Variants in PRDM16 observed in about 807,000 individuals in gnomAD.
The protein encoded by PRDM16 is PR/SET domain 16.
In PRDM16, 23 loss-of-function variants were observed where a neutral mutation model predicts 110.6. That is an observed-to-expected ratio of 0.21 (90% CI 0.15 to 0.29). The LOEUF (loss-of-function observed/expected upper bound fraction) is 0.29. Ranked by LOEUF, PRDM16 falls within the 10% of genes least tolerant of loss-of-function variation. The probability of loss-of-function intolerance (pLI) is 1.00; values close to 1 mark genes in which losing one functional copy is unlikely to be tolerated. For synonymous variants in PRDM16, 799 were observed against 781.8 expected (o/e 1.02, Z -0.37); for missense variants, 1,615 against 1,794.3 (o/e 0.90, Z 1.81).
At position 3,114,552 on chromosome 1, in the gene PRDM16, A is replaced by G. The variant is rs1045317403; in HGVS notation, c.37+45256A>G. On this transcript the variant is annotated intron_variant, in intron 1 of 16. Transcript: ENST00000270722. Reference sequence around the variant, plus strand: ...CACACATGCACACATGAACACACACACGTGCACAAACAAGCACACACTTGC... The same window carrying G: ...CACACATGCACACATGAACACACACGCGTGCACAAACAAGCACACACTTGC... 3.3e-5 allele frequency among the ~76,000 whole-genome samples: 5 copies of G among 151,624 alleles called. No individual in the cohort carries two copies. In the East Asian group the frequency reaches 5.8e-4, roughly 18 times the overall value.
At chr1:3,129,303 T>C (rs1643283048) in intron 1 of PRDM16, among the ~76,000 whole-genome samples, 1 of 65,936 alleles carries the variant, frequency 1.5e-5, no homozygotes, top group Non-Finnish European at 3.0e-5. Context: ...TGCGTGTCAG[T>C]GTCCTGCCTG....
chr1:3,077,945 G>A, intron 1 of PRDM16, among the ~76,000 whole-genome samples: 1 of 152,206 alleles, frequency 6.6e-6, no homozygotes, highest in East Asian at 1.9e-4. Flanking sequence ...AAACTAGGAG[G>A]CACAGGTGCC....
intron 3 of PRDM16, chr1:3,309,790 A>C (rs1379670644): frequency 2.0e-5 from 3 of 152,330 alleles, no homozygotes; most frequent in Non-Finnish European, 4.4e-5. Flanking sequence ...GGCTACAGCC[A>C]CTGTCAGAGG....
intron 8 of PRDM16, among the ~76,000 whole-genome samples, chr1:3,407,551 G>A (rs1643583122): frequency 6.6e-6 from 1 of 152,202 alleles, no homozygotes; most frequent in African/African-American, 2.4e-5. Flanking sequence ...CCCAGCTGCA[G>A]GTCAAGTGAC....
rs578171982 is a variant in PRDM16 at position 3,272,791 on chromosome 1, C to T, written c.438+28654C>T. Among the ~76,000 whole-genome samples, 13 of 152,330 alleles carry T rather than the reference C, an allele frequency of 8.5e-5. No individual in the cohort carries two copies. The South Asian group carries it at 2.7e-3, about 32-fold the overall frequency. On this transcript the variant is annotated intron_variant, in intron 3 of 16. Coordinates refer to ENST00000270722, the MANE Select transcript of PRDM16 (RefSeq NM_022114.4). ...CTGGAACAAGGTGGGCGAGGCCGAGCCCATCTCTGGAGCTGCCCTGTGCCC... is the reference window on the plus strand; with the variant it reads ...CTGGAACAAGGTGGGCGAGGCCGAGTCCATCTCTGGAGCTGCCCTGTGCCC...
rs1227767636 is a variant in PRDM16 at position 3,353,096 on chromosome 1, A to G, written c.439-32056A>G. 1.3e-5 allele frequency among the ~76,000 whole-genome samples: 2 copies of G among 152,160 alleles called. No homozygotes were observed. The highest frequency in any genetic ancestry group is 4.8e-5 in the African/African-American group (2 of 41,448). ...GTCAGGAAAGGGAGGCTGCAGCCGC[A>G]CACCCGAAGAGCTCGAAAGCTGGCC... On this transcript the variant is annotated intron_variant, in intron 3 of 16. Coordinates refer to ENST00000270722, the MANE Select transcript of PRDM16 (RefSeq NM_022114.4). The surrounding 1 kb of genome is among the most constrained non-coding windows in gnomAD (Gnocchi z 5.4).
chr1:3,162,358 C>A (rs553423997), intron 1 of PRDM16, among the ~76,000 whole-genome samples: 2 of 152,302 alleles, frequency 1.3e-5, no homozygotes, highest in African/African-American at 4.8e-5. Context: ...CCCGCAGCCG[C>A]GAAGCCTCGG....
intron 3 of PRDM16, among the ~76,000 whole-genome samples, chr1:3,288,800 C>G (rs1461634829): frequency 6.6e-6 from 1 of 152,172 alleles, no homozygotes; most frequent in Non-Finnish European, 1.5e-5. Context: ...GAGCAGACAT[C>G]CCTGGAAGGG....
At chr1:3,112,547 C>G (rs1553126897) in intron 1 of PRDM16, among the ~76,000 whole-genome samples, 1 of 152,222 alleles carries the variant, frequency 6.6e-6, no homozygotes, top group Non-Finnish European at 1.5e-5. Flanking sequence ...TGGCCTTCGC[C>G]TGGGGATTGA....
chr1:3,175,054 C>T lies in PRDM16; in HGVS notation c.38-11071C>T, dbSNP rs901427914. Among the ~76,000 whole-genome samples the T allele has an allele frequency of 2.6e-5, 4 of 152,164 alleles. No homozygotes were observed. Among genetic ancestry groups the T allele is most frequent in the Admixed American group, 6.5e-5 (1 of 15,276 alleles). ...CGGGCTGGTCAGAAGGTGGGACCAG[C>T]GGCCAAGGCTCCTCCTAGCACCATT... On this transcript the variant is annotated intron_variant, in intron 1 of 16. Transcript: ENST00000270722. This position sits in a 1 kb window ranked among gnomAD's most constrained non-coding sequence, Gnocchi z 4.8.
rs1643948865 is a variant in PRDM16 at position 3,165,826 on chromosome 1, T to TCAGGGACAGGGACTCACCA, written c.38-20299_38-20298insCAGGGACAGGGACTCACCA. ...CAGGGCTCAGGCACAGGGACTCACC[T>TCAGGGACAGGGACTCACCA]GGGCTCAGGGACAGGGACTCACCAG... On this transcript the variant is annotated intron_variant, in intron 1 of 16. Coordinates refer to ENST00000270722, the MANE Select transcript of PRDM16 (RefSeq NM_022114.4). Among the ~76,000 whole-genome samples the TCAGGGACAGGGACTCACCA allele has an allele frequency of 2.8e-5, 2 of 70,532 alleles. 1 individual carries two copies. The highest frequency in any genetic ancestry group is 1.9e-4 in the African/African-American group (2 of 10,286). The allele number at this position is 70,532 out of a possible 152,430, so 46.3% of individuals were successfully genotyped here.
intron 3 of PRDM16, among the ~76,000 whole-genome samples, chr1:3,326,567 A>T (rs993458641): frequency 6.6e-6 from 1 of 152,006 alleles, no homozygotes; most frequent in African/African-American, 2.4e-5. Context: ...GAGGTGACCC[A>T]TCCCCTCCCC....
At chr1:3,263,700 G>A (rs1640221765) in intron 3 of PRDM16, among the ~76,000 whole-genome samples, 2 of 152,232 alleles carry the variant, frequency 1.3e-5, no homozygotes, top group Non-Finnish European at 2.9e-5. Flanking sequence ...GGCCCTCACA[G>A]CCCTGACCAC....
intron 1 of PRDM16, among the ~76,000 whole-genome samples, chr1:3,136,701 C>T (rs574301669): frequency 5.9e-5 from 9 of 152,234 alleles, no homozygotes; most frequent in African/African-American, 1.7e-4. Flanking sequence ...CTGGCCCCAC[C>T]GCCCCCTGCT....
At chr1:3,336,437 C>A (rs894201423) in intron 3 of PRDM16, among the ~76,000 whole-genome samples, 4 of 151,492 alleles carry the variant, frequency 2.6e-5, no homozygotes. Context: ...TGTTTGCATG[C>A]ACATGTGTGT....
intron 3 of PRDM16, among the ~76,000 whole-genome samples, chr1:3,269,790 C>CCCGGAGGAGGACAGTTGGGGGGGCAG (rs1282869851): frequency 6.9e-6 from 1 of 145,292 alleles, no homozygotes; most frequent in African/African-American, 2.6e-5. Context: ...GGAGGAAAGT[C>CCCGGAGGAGGACAGTTGGGGGGGCAG]TCAGAGGAGG....
At chr1:3,322,746 T>C (rs1250457006) in intron 3 of PRDM16, among the ~76,000 whole-genome samples, 13 of 152,154 alleles carry the variant, frequency 8.5e-5, no homozygotes. Context: ...TCCACATCCT[T>C]TGCTCCCTGC....
At position 3,165,002 on chromosome 1, in the gene PRDM16, T is replaced by C. The variant is rs371367834; in HGVS notation, c.38-21123T>C. Among the ~76,000 whole-genome samples, 7 of 152,354 alleles carry C rather than the reference T, an allele frequency of 4.6e-5. No homozygotes were observed. In the East Asian group the frequency reaches 5.8e-4, roughly 13 times the overall value. On this transcript the variant is annotated intron_variant, in intron 1 of 16. Coordinates refer to ENST00000270722, the MANE Select transcript of PRDM16 (RefSeq NM_022114.4). ...CTGGGGATCAGCCGTGTTCCAATGG[T>C]AGGCTGGCGCCTCTCTGTGCCAAGT...
In PRDM16 at chr1:3,350,620, C is replaced by T. The variant is rs1237896277; in HGVS notation, c.439-34532C>T. ...AAGCAGAGCTGGGAGCCAGCCCTGC[C>T]CGGCCAGGGCTCGGGCACAGCTTGG... is the stretch of plus-strand genomic sequence containing the variant. On this transcript the variant is annotated intron_variant, in intron 3 of 16. Transcript: ENST00000270722. The surrounding 1 kb of genome is among the most constrained non-coding windows in gnomAD (Gnocchi z 7.1). Among the ~76,000 whole-genome samples, 1 of 152,068 alleles carries T rather than the reference C, an allele frequency of 6.6e-6. No homozygotes were observed. The highest frequency in any genetic ancestry group is 2.4e-5 in the African/African-American group (1 of 41,418).
Sources: gnomAD v4.1 joint callset for allele counts (sites outside exome capture counted in the v4.1 genomes callset) on GRCh38, gnomAD v4.1.1 for gene constraint, Gnocchi (gnomAD v3.1) non-coding constraint, MANE v1.5 for transcripts, NCBI Gene and HGNC (gene_info 2026-07-23, HGNC 2026-07-21) for gene names.